The following FAM135B variants were observed in gnomAD, a reference collection of about 807,000 sequenced individuals.
The protein encoded by FAM135B is protein FAM135B.
A neutral mutation model predicts 127.7 loss-of-function variants in FAM135B; 43 were observed. That is an observed-to-expected ratio of 0.34 (90% CI 0.26 to 0.43). The LOEUF (loss-of-function observed/expected upper bound fraction) is 0.43. Among genes scored for constraint, FAM135B ranks in the 20% least tolerant of loss-of-function variants. The pLI is 1.00. For missense variants in FAM135B, 1,558 were observed against 1,725.6 expected, an observed-to-expected ratio of 0.90 and a Z score of 1.72; for synonymous variants, 670 against 665.1, an observed-to-expected ratio of 1.01 and a Z score of -0.11.
rs7461145 is a variant in FAM135B, at chr8:138,218,107, G to C, written c.670-20438C>G. ...TTTATGGAAACATGATAACTAAGAT[G>C]ACTTCCAAATGTGTGAGCAATGAGA... On this transcript the variant is annotated intron_variant, in intron 7 of 19. Transcript: ENST00000395297. 3.3e-5 allele frequency among the ~76,000 whole-genome samples: 5 copies of C among 151,972 alleles called. No individual in the cohort carries two copies. In the South Asian group the frequency reaches 1.0e-3, roughly 31 times the overall value.
At chr8:138,386,602 T>C (rs949491019) in intron 1 of FAM135B, among the ~76,000 whole-genome samples, 1 of 152,210 alleles carries the variant, frequency 6.6e-6, no homozygotes, top group Non-Finnish European at 1.5e-5. Context: ...GTACACTTTA[T>C]TACACTTTAT....
At chr8:138,477,992 C>A (rs1444694872) in intron 1 of FAM135B, among the ~76,000 whole-genome samples, 1 of 152,150 alleles carries the variant, frequency 6.6e-6, no homozygotes, top group Non-Finnish European at 1.5e-5. Flanking sequence ...CGACTTCCCA[C>A]AAGTAGCAGC....
Position 138,148,538 on chromosome 8 carries a change from A to T in FAM135B, c.3430T>A (p.Cys1144Ser). ...AACTCACCATCCAGGCCATGGACAC[A>T]GACAACCAGGTGAATTCCATCTTCC... ...NLEDGIHLVVCVHGLDGNSAD... is the reference protein window; with the variant it reads ...NLEDGIHLVVSVHGLDGNSAD... The change falls in exon 14 of 20, where the codon TGT (cysteine) becomes AGT (serine). Residue 1144 changes from cysteine (C) to serine (S), a missense_variant. Physicochemically the swap from Cys to Ser is moderately radical, Grantham distance 112. Coordinates refer to ENST00000395297, the MANE Select transcript of FAM135B (RefSeq NM_015912.4). 1 of 1,614,054 alleles carries T rather than the reference A, an allele frequency of 6.2e-7. No homozygotes were observed. Among genetic ancestry groups the T allele is most frequent in the Non-Finnish European group, 8.5e-7 (1 of 1,179,960 alleles).
intron 1 of FAM135B, chr8:138,440,554 C>A (rs1377200904): frequency 1.3e-5 from 2 of 151,678 alleles, no homozygotes; most frequent in Non-Finnish European, 2.9e-5. Context: ...ATCACCATCA[C>A]CGTCATCACC....
rs1290406984 is a variant in FAM135B, at chr8:138,250,885, C to T, written c.498G>A (p.Val166=). 6.2e-7 allele frequency: 1 copy of T among 1,613,906 alleles called. No homozygotes were observed. Reference sequence around the variant, plus strand: ...GAGCCACCAGGGCAGCATGGACGGTCACCGAGATCACAGACAGGTGGAAAT... The same window carrying T: ...GAGCCACCAGGGCAGCATGGACGGTTACCGAGATCACAGACAGGTGGAAAT... ...FDYFHLSVIS[V]TVHAALVALQ... Residue 166 remains valine (V), a synonymous_variant, in exon 6 of 20, where the codon GTG becomes GTA. Coordinates refer to ENST00000395297, the MANE Select transcript of FAM135B (RefSeq NM_015912.4).
intron 9 of FAM135B, among the ~76,000 whole-genome samples, chr8:138,179,959 C>G (rs1163550030): frequency 8.5e-5 from 13 of 152,174 alleles, no homozygotes; most frequent in Admixed American, 8.5e-4. Flanking sequence ...ACGTATGAGC[C>G]ATCACACCTG....
At chr8:138,183,121 T>A (rs1300421565) in intron 9 of FAM135B, among the ~76,000 whole-genome samples, 2 of 66,594 alleles carry the variant, frequency 3.0e-5, no homozygotes, top group Admixed American at 1.3e-4. Context: ...ACAAGGGGGG[T>A]GGGGGGGCGG....
intron 2 of FAM135B, among the ~76,000 whole-genome samples, chr8:138,355,279 C>A (rs961252146): frequency 8.5e-5 from 13 of 152,248 alleles, no homozygotes; most frequent in African/African-American, 3.1e-4. Context: ...CCTATGTTTA[C>A]TGCGGCACTA....
chr8:138,427,215 T>C (rs1834938494), intron 1 of FAM135B, among the ~76,000 whole-genome samples: 1 of 151,348 alleles, frequency 6.6e-6, no homozygotes, highest in Admixed American at 6.6e-5. Context: ...TGATATTCTG[T>C]TTCTTGATCT....
intron 2 of FAM135B, among the ~76,000 whole-genome samples, chr8:138,325,894 G>A (rs1471827802): frequency 2.6e-5 from 4 of 152,128 alleles, no homozygotes; most frequent in Non-Finnish European, 4.4e-5. Context: ...ATCAATGTGT[G>A]TATAGCAAAA....
chr8:138,401,609 A>C (rs552013538), intron 1 of FAM135B, among the ~76,000 whole-genome samples: 13 of 152,326 alleles, frequency 8.5e-5, no homozygotes, highest in African/African-American at 3.1e-4. Flanking sequence ...AGCCTTCAAC[A>C]AATAAGAAAG....
intron 3 of FAM135B, among the ~76,000 whole-genome samples, chr8:138,277,522 C>A (rs546156674): frequency 6.6e-6 from 1 of 152,124 alleles, no homozygotes; most frequent in Non-Finnish European, 1.5e-5. Flanking sequence ...GGGTTTTAAC[C>A]GCACATTTCA....
intron 6 of FAM135B, among the ~76,000 whole-genome samples, chr8:138,246,066 A>G (rs554160594): frequency 6.6e-6 from 1 of 152,320 alleles, no homozygotes; most frequent in South Asian, 2.1e-4. Flanking sequence ...TGAACTTGAG[A>G]GAGATGATTT....
At chr8:138,339,388 A>T (rs191923440) in intron 2 of FAM135B, among the ~76,000 whole-genome samples, 215 of 130,796 alleles carry the variant, frequency 1.6e-3, no homozygotes, top group African/African-American at 7.1e-3. Flanking sequence ...TATATATTTT[A>T]AAATCTCCAA....
At chr8:138,197,377 T>A in intron 8 of FAM135B, 139 bp downstream of exon 8, 1 of 1,013,038 alleles carries the variant, frequency 9.9e-7, no homozygotes, top group South Asian at 1.8e-5. Flanking sequence ...GGTAGAATAA[T>A]AAAAATCACA....
chr8:138,348,398 G>T (rs1284787549), intron 2 of FAM135B, among the ~76,000 whole-genome samples: 1 of 152,106 alleles, frequency 6.6e-6, no homozygotes, highest in African/African-American at 2.4e-5. Flanking sequence ...GCCTCCCAAA[G>T]TGCGGAGATT....
intron 12 of FAM135B, among the ~76,000 whole-genome samples, chr8:138,156,463 G>A (rs1818756679): frequency 1.3e-5 from 2 of 151,968 alleles, no homozygotes; most frequent in Non-Finnish European, 2.9e-5. Context: ...AACTGAAGGA[G>A]ATAGAGACAC....
chr8:138,140,507 C>T (rs1052476624), intron 17 of FAM135B, among the ~76,000 whole-genome samples: 21 of 152,206 alleles, frequency 1.4e-4, no homozygotes, highest in Non-Finnish European at 2.6e-4. Flanking sequence ...GTAGTATCTA[C>T]AAGGTCTACA....
chr8:138,433,559 AAAT>A (rs1835309238), intron 1 of FAM135B, among the ~76,000 whole-genome samples: 1 of 149,912 alleles, frequency 6.7e-6, no homozygotes, highest in African/African-American at 2.5e-5. Context: ...ATAAATAAAT[AAAT>A]AAATAAAATA....
Sources: allele counts gnomAD v4.1 joint callset (sites outside exome capture counted in the v4.1 genomes callset), GRCh38; gene constraint gnomAD v4.1.1; transcripts MANE v1.5; gene names NCBI Gene and HGNC (gene_info 2026-07-23, HGNC 2026-07-21).